The following ARHGAP25 variants were observed in gnomAD, a reference collection of about 807,000 sequenced individuals.
ARHGAP25 encodes Rho GTPase activating protein 25.
In ARHGAP25, 34 loss-of-function variants were observed where a neutral mutation model predicts 71.0. That is an observed-to-expected ratio of 0.48 (90% CI 0.36 to 0.64). ARHGAP25 has a LOEUF of 0.64. Ranked by LOEUF, ARHGAP25 falls within the 30% of genes least tolerant of loss-of-function variation. The pLI, the probability that ARHGAP25 is intolerant of heterozygous loss-of-function variation, is 0.00. For synonymous variants in ARHGAP25, 282 were observed against 296.5 expected (o/e 0.95, Z 0.50); for missense variants, 706 against 805.1 (o/e 0.88, Z 1.49).
At chr2:68,809,561 T>C (rs1680624372) in intron 5 of ARHGAP25, among the ~76,000 whole-genome samples, 1 of 148,346 alleles carries the variant, frequency 6.7e-6, no homozygotes, top group African/African-American at 2.5e-5. Context: ...TGAAAGGGGG[T>C]GGAAAGAGGG....
intron 4 of ARHGAP25, among the ~76,000 whole-genome samples, chr2:68,802,407 C>A (rs1321665339): frequency 1.5e-3 from 123 of 82,102 alleles, no homozygotes; most frequent in African/African-American, 2.6e-3. Flanking sequence ...GACTCCATCT[C>A]AAAAAAAAAA....
chr2:68,777,548 G>C (rs1272889144), intron 2 of ARHGAP25, among the ~76,000 whole-genome samples: 1 of 152,144 alleles, frequency 6.6e-6, no homozygotes, highest in African/African-American at 2.4e-5. Flanking sequence ...AGCCTTCTCA[G>C]GACTAAATTA....
intron 1 of ARHGAP25, among the ~76,000 whole-genome samples, chr2:68,746,863 C>A (rs113253628): frequency 0.018 from 2,684 of 152,056 alleles, 69 homozygotes; most frequent in African/African-American, 0.062. Flanking sequence ...AAAAAATTAG[C>A]TGGGTGTAGT....
intron 4 of ARHGAP25, among the ~76,000 whole-genome samples, chr2:68,794,857 C>T (rs113079459): frequency 7.2e-5 from 11 of 152,206 alleles, no homozygotes; most frequent in African/African-American, 2.6e-4. Flanking sequence ...GGTATTAGAA[C>T]TTCTTTGTAT....
At chr2:68,752,739 C>G (rs572895013) in intron 1 of ARHGAP25, among the ~76,000 whole-genome samples, 2 of 43,876 alleles carry the variant, frequency 4.6e-5, no homozygotes, top group Admixed American at 4.0e-4. Flanking sequence ...TCAAAACCTG[C>G]AAAATGTGCT....
intron 4 of ARHGAP25, among the ~76,000 whole-genome samples, chr2:68,803,298 TAAC>T (rs1316741564): frequency 6.6e-6 from 1 of 152,000 alleles, no homozygotes; most frequent in African/African-American, 2.4e-5. Context: ...GAAGGAGAAT[TAAC>T]AACATCAGTC....
chr2:68,734,420 G>T (rs551556083), upstream of ARHGAP25, among the ~76,000 whole-genome samples: 2 of 152,266 alleles, frequency 1.3e-5, no homozygotes, highest in Admixed American at 6.5e-5. Context: ...CCTACATCAG[G>T]CTGAGATCAC....
rs555694136 is a variant in ARHGAP25, at chr2:68,751,342, C to G, written c.61+16082C>G. 6.6e-5 allele frequency among the ~76,000 whole-genome samples: 10 copies of G among 152,286 alleles called. No homozygotes were observed. The South Asian group carries it at 1.7e-3, about 25-fold the overall frequency. ...AGAATAGGAAGGGCCAGGAAAAACT[C>G]AGGCATGTAAAACAAGGAACCAATT... On this transcript the variant is annotated intron_variant, in intron 1 of 10. Transcript: ENST00000409202.
upstream of ARHGAP25, among the ~76,000 whole-genome samples, chr2:68,731,503 A>G (rs533087446): frequency 6.7e-4 from 101 of 150,786 alleles, no homozygotes; most frequent in African/African-American, 2.3e-3. Flanking sequence ...CTCCCTAGTG[A>G]CCTCCGTTTT....
intron 1 of ARHGAP25, among the ~76,000 whole-genome samples, chr2:68,754,093 C>T (rs1350257015): frequency 5.3e-5 from 8 of 151,856 alleles, no homozygotes; most frequent in Admixed American, 2.0e-4. Flanking sequence ...TTAGTAGAGA[C>T]GGGGTTTCAC....
chr2:68,782,101 G>A (rs2104389844), intron 2 of ARHGAP25, 132 bp from the exon 3 acceptor site: 1 of 754,644 alleles, frequency 1.3e-6, no homozygotes, highest in South Asian at 1.8e-5. Context: ...TTAAAACTGG[G>A]AGGCTAGCTT....
At chr2:68,747,127 C>T (rs979582582) in intron 1 of ARHGAP25, among the ~76,000 whole-genome samples, 1 of 151,800 alleles carries the variant, frequency 6.6e-6, no homozygotes, top group African/African-American at 2.4e-5. Flanking sequence ...AGCATCTGTC[C>T]TCGTCTTACT....
At position 68,808,285 on chromosome 2, in the gene ARHGAP25, T is replaced by C. The variant is rs75047957; in HGVS notation, c.674+805T>C. On this transcript the variant is annotated intron_variant, in intron 5 of 10. Coordinates refer to ENST00000409202, the MANE Select transcript of ARHGAP25 (RefSeq NM_001007231.3). ...GCCCATAAACCAAGGTTTAATAAGA[T>C]GGGCCTGAACTCTACCCAGTTTCCA... 3.0e-3 allele frequency among the ~76,000 whole-genome samples: 461 copies of C among 152,342 alleles called. 2 individuals are homozygous for C. The highest frequency in any genetic ancestry group is 0.011 in the African/African-American group (446 of 41,574).
intron 5 of ARHGAP25, among the ~76,000 whole-genome samples, chr2:68,810,390 TC>T (rs1558655224): frequency 6.6e-6 from 1 of 151,848 alleles, no homozygotes; most frequent in Non-Finnish European, 1.5e-5. Flanking sequence ...TTTAGGGAGG[TC>T]CCCAAGAAAA....
intron 2 of ARHGAP25, among the ~76,000 whole-genome samples, chr2:68,720,307 C>T (rs1674725497): frequency 1.4e-5 from 1 of 69,536 alleles, no homozygotes; most frequent in South Asian, 4.2e-4. Flanking sequence ...GACATAGAAA[C>T]ATTTCAGTCA....
intron 8 of ARHGAP25, 78 bp downstream of exon 8, chr2:68,818,072 T>C (rs911001618): frequency 1.3e-6 from 2 of 1,560,980 alleles, no homozygotes; most frequent in Admixed American, 1.7e-5. Flanking sequence ...TGTGCACTGC[T>C]CTGTAGTTTC....
chr2:68,742,197 T>G (rs1675554668), intron 1 of ARHGAP25, among the ~76,000 whole-genome samples: 1 of 152,214 alleles, frequency 6.6e-6, no homozygotes, highest in Admixed American at 6.5e-5. Flanking sequence ...CTGCTGGAAT[T>G]TTGGCCTATG....
chr2:68,727,307 T>C (rs1173697881), intron 2 of ARHGAP25, among the ~76,000 whole-genome samples: 3 of 152,186 alleles, frequency 2.0e-5, no homozygotes, highest in Non-Finnish European at 2.9e-5. Flanking sequence ...CATCTTTTTT[T>C]CCCCTCACTT....
intron 2 of ARHGAP25, among the ~76,000 whole-genome samples, chr2:68,722,059 AG>A (rs1674775987): frequency 6.6e-6 from 1 of 152,206 alleles, no homozygotes; most frequent in African/African-American, 2.4e-5. Flanking sequence ...CTCAGCATGC[AG>A]TGCTTTGTGG....
Sources: allele counts gnomAD v4.1 joint callset (sites outside exome capture counted in the v4.1 genomes callset), GRCh38; gene constraint gnomAD v4.1.1; transcripts MANE v1.5; gene names NCBI Gene and HGNC (gene_info 2026-07-23, HGNC 2026-07-21).